LMX1A: variants seen among roughly 807,000 people sequenced by gnomAD.
The protein encoded by LMX1A is LIM homeobox transcription factor 1 alpha.
A neutral mutation model predicts 49.1 loss-of-function variants in LMX1A; 15 were observed. The ratio of observed to expected loss-of-function variants is 0.31; its 90% CI spans 0.20 to 0.47. The LOEUF is 0.47. Ranked by LOEUF, LMX1A falls within the 20% of genes least tolerant of loss-of-function variation. LMX1A has a pLI of 1.00. For synonymous variants in LMX1A, 167 were observed against 185.7 expected, an observed-to-expected ratio of 0.90 and a Z score of 0.82; for missense variants, 372 against 475.8, an observed-to-expected ratio of 0.78 and a Z score of 2.03.
Position 165,210,608 on chromosome 1 carries a change from C to T in LMX1A, c.747+91G>A, listed in dbSNP as rs138494748. ...AACTACTCTATCCAATGAGCTAAGG[C>T]GAGAAAACCTGGCAGCAAGTACAAT... On this transcript the variant is annotated intron_variant, in intron 6 of 8. Coordinates refer to ENST00000342310, the MANE Select transcript of LMX1A (RefSeq NM_177398.4). 1.2e-4 allele frequency: 108 copies of T among 891,898 alleles called. No individual in the cohort carries two copies. The Middle Eastern group carries it at 1.3e-3, about 11-fold the overall frequency. 55.2% of individuals were successfully genotyped at this position (891,898 alleles called of 1,614,324 possible). A position where few individuals can be genotyped will look rare whatever the true frequency, so the allele number is the denominator to read the frequency against.
chr1:165,225,093 T>C (rs1651986701), intron 4 of LMX1A, among the ~76,000 whole-genome samples: 1 of 152,122 alleles, frequency 6.6e-6, no homozygotes, highest in Non-Finnish European at 1.5e-5. Flanking sequence ...GTGGAGAACA[T>C]ACAATCAGCA....
chr1:165,207,644 T>A (rs1320531883), intron 7 of LMX1A: 1 of 165,448 alleles, frequency 6.0e-6, no homozygotes, highest in Non-Finnish European at 1.3e-5. Context: ...AGGAAGGCAT[T>A]GTTATTTTAC....
chr1:165,270,931 A>C (rs893080039), intron 3 of LMX1A, among the ~76,000 whole-genome samples: 1 of 152,172 alleles, frequency 6.6e-6, no homozygotes, highest in Admixed American at 6.5e-5. Flanking sequence ...TCCTCTTCCA[A>C]CAGTGGAGCC....
At chr1:165,221,908 TACACACACACACACAC>T (rs3038076) in intron 4 of LMX1A, among the ~76,000 whole-genome samples, 1 of 126,898 alleles carries the variant, frequency 7.9e-6, no homozygotes, top group Non-Finnish European at 1.7e-5. Context: ...GTCTCCACTC[TACACACACACACACAC>T]ACACACACAC....
In LMX1A at chr1:165,231,095, T is replaced by TTTAC. The variant is rs918418098; in HGVS notation, c.497-17283_497-17282insGTAA. ...ATAATTAGGTTTTTTAAAATTTTTATTTATTTATTTATTTATTTATTTTTA... is the reference window on the plus strand; with the variant it reads ...ATAATTAGGTTTTTTAAAATTTTTATTTACTTATTTATTTATTTATTTATTTTTA... On this transcript the variant is annotated intron_variant, in intron 4 of 8. Coordinates refer to ENST00000342310, the MANE Select transcript of LMX1A (RefSeq NM_177398.4). 4.3e-5 allele frequency among the ~76,000 whole-genome samples: 5 copies of TTTAC among 115,296 alleles called. No homozygotes were observed. The South Asian group carries it at 8.7e-4, about 20-fold the overall frequency. The allele number at this position is 115,296 out of a possible 152,430, so 75.6% of individuals were successfully genotyped here. A position where few individuals can be genotyped will look rare whatever the true frequency, so the allele number is the denominator to read the frequency against.
At chr1:165,218,855 T>G (rs1414760992) in intron 4 of LMX1A, 1 of 152,034 alleles carries the variant, frequency 6.6e-6, no homozygotes, top group Non-Finnish European at 1.5e-5. Flanking sequence ...TCCCTCATAA[T>G]TTAAGCTGAC....
chr1:165,240,564 A>C (rs1652612965), intron 4 of LMX1A, among the ~76,000 whole-genome samples: 1 of 152,186 alleles, frequency 6.6e-6, no homozygotes, highest in Non-Finnish European at 1.5e-5. Context: ...ACAGAGTCCA[A>C]CACAGTGTGG....
intron 3 of LMX1A, among the ~76,000 whole-genome samples, chr1:165,270,701 T>A (rs1653767628): frequency 6.6e-6 from 1 of 152,198 alleles, no homozygotes; most frequent in African/African-American, 2.4e-5. Flanking sequence ...CTTCAGTCTC[T>A]ATTTTATAGG....
chr1:165,212,184 C>T lies in LMX1A; in HGVS notation c.670-1408G>A, dbSNP rs184779085. ...GGCTGGACTATTGCTCAACAAATAT[C>T]TATCCTTCCCTCCCCTGCTCCGTGG... On this transcript the variant is annotated intron_variant, in intron 5 of 8. Transcript: ENST00000342310. Among the ~76,000 whole-genome samples, 344 of 152,360 alleles carry T rather than the reference C, an allele frequency of 2.3e-3. 3 individuals are homozygous for T. The highest frequency in any genetic ancestry group is 8.1e-3 in the African/African-American group (335 of 41,596).
chr1:165,265,489 A>G (rs1653594731), intron 3 of LMX1A, among the ~76,000 whole-genome samples: 1 of 152,122 alleles, frequency 6.6e-6, no homozygotes, highest in Admixed American at 6.5e-5. Context: ...CCCTTTCAAA[A>G]GGCTTGTAGA....
intron 8 of LMX1A, among the ~76,000 whole-genome samples, chr1:165,204,470 C>A (rs1288155923): frequency 1.3e-5 from 2 of 152,198 alleles, no homozygotes; most frequent in Non-Finnish European, 2.9e-5. Flanking sequence ...AACATTTGTT[C>A]TTTCAAACAC....
chr1:165,264,415 T>C (rs762108086), intron 3 of LMX1A, among the ~76,000 whole-genome samples: 5 of 148,050 alleles, frequency 3.4e-5, no homozygotes, highest in Non-Finnish European at 7.5e-5. Flanking sequence ...AGCATGCATA[T>C]GCTCGCACAC....
At chr1:165,247,667 A>T (rs1557862344) in intron 4 of LMX1A, among the ~76,000 whole-genome samples, 2 of 152,242 alleles carry the variant, frequency 1.3e-5, no homozygotes, top group Admixed American at 1.3e-4. Context: ...GCTGCTACAA[A>T]GATGCTAACA....
In LMX1A at chr1:165,224,515, C is replaced by T. The variant is rs546422689; in HGVS notation, c.497-10702G>A. Among the ~76,000 whole-genome samples the T allele has an allele frequency of 2.6e-5, 4 of 152,202 alleles. No homozygotes were observed. In the East Asian group the frequency reaches 5.8e-4, roughly 22 times the overall value. On this transcript the variant is annotated intron_variant, in intron 4 of 8. Transcript: ENST00000342310. ...TTAATGGTAAGAAATTAACTAAATG[C>T]CGGCTTTCATCAGCATTATAATTTT...
At chr1:165,301,292 C>T (rs1654767373) in intron 3 of LMX1A, among the ~76,000 whole-genome samples, 1 of 152,178 alleles carries the variant, frequency 6.6e-6, no homozygotes, top group Non-Finnish European at 1.5e-5. Context: ...TGGTTGAATA[C>T]CTGATTGCAG....
At chr1:165,342,982 T>C (rs2101764331) in intron 3 of LMX1A, among the ~76,000 whole-genome samples, 1 of 152,278 alleles carries the variant, frequency 6.6e-6, no homozygotes, top group Admixed American at 6.5e-5. Context: ...TTTCCTCAGC[T>C]ATAAAATGTA....
intron 4 of LMX1A, among the ~76,000 whole-genome samples, chr1:165,233,346 T>C (rs1312914551): frequency 6.6e-6 from 1 of 152,214 alleles, no homozygotes; most frequent in African/African-American, 2.4e-5. Context: ...TCCCAGTTAT[T>C]CAGGAGTATG....
intron 4 of LMX1A, among the ~76,000 whole-genome samples, chr1:165,231,018 T>C (rs1013730700): frequency 6.6e-6 from 1 of 152,242 alleles, no homozygotes; most frequent in African/African-American, 2.4e-5. Flanking sequence ...ATAAAACATT[T>C]CCTAAAGTAA....
At chr1:165,318,533 T>C (rs778479528) in intron 3 of LMX1A, among the ~76,000 whole-genome samples, 1 of 152,190 alleles carries the variant, frequency 6.6e-6, no homozygotes, top group Admixed American at 6.5e-5. Flanking sequence ...TGCTGTGGAT[T>C]GGTTAACCCA....
Sources: allele counts gnomAD v4.1 joint callset (sites outside exome capture counted in the v4.1 genomes callset), GRCh38; gene constraint gnomAD v4.1.1; transcripts MANE v1.5; gene names NCBI Gene and HGNC (gene_info 2026-07-23, HGNC 2026-07-21).